The following FHIT variants were observed in gnomAD, a reference collection of about 807,000 sequenced individuals.
The protein encoded by FHIT is bis(5'-adenosyl)-triphosphatase.
A neutral mutation model predicts 17.9 loss-of-function variants in FHIT; 19 were observed. The ratio of observed to expected loss-of-function variants is 1.06; its 90% CI spans 0.74 to 1.56. FHIT has a LOEUF of 1.56. FHIT is among the 40% of genes most tolerant of loss of function. The pLI, the probability that FHIT is intolerant of heterozygous loss-of-function variation, is 0.00. For missense variants in FHIT, 248 were observed against 189.2 expected (o/e 1.31, Z -1.82); for synonymous variants, 81 against 69.7 (o/e 1.16, Z -0.81).
At chr3:61,097,598 C>A (rs544607354) in intron 2 of FHIT, among the ~76,000 whole-genome samples, 1 of 152,046 alleles carries the variant, frequency 6.6e-6, no homozygotes, top group African/African-American at 2.4e-5. Flanking sequence ...TTTTTCCACA[C>A]CCTGACCAGC....
At chr3:60,365,148 A>G (rs560278668) in intron 5 of FHIT, among the ~76,000 whole-genome samples, 2 of 149,158 alleles carry the variant, frequency 1.3e-5, no homozygotes, top group South Asian at 4.2e-4. Context: ...TATACAGTAT[A>G]TATTATATAT....
chr3:60,614,820 G>GTTTTTTTT (rs1191171215), intron 4 of FHIT, among the ~76,000 whole-genome samples: 1 of 58,856 alleles, frequency 1.7e-5, no homozygotes, highest in African/African-American at 5.1e-5. Context: ...TTTTTTTTTT[G>GTTTTTTTT]TTTTTTTTTT....
At chr3:60,620,759 T>C (rs967431857) in intron 4 of FHIT, among the ~76,000 whole-genome samples, 7 of 152,014 alleles carry the variant, frequency 4.6e-5, no homozygotes, top group Admixed American at 2.0e-4. Flanking sequence ...TCAAAACCCA[T>C]AGGATGTACA....
At chr3:60,488,874 C>T (rs1006560877) in intron 5 of FHIT, among the ~76,000 whole-genome samples, 1 of 152,136 alleles carries the variant, frequency 6.6e-6, no homozygotes, top group Non-Finnish European at 1.5e-5. Context: ...TTATGTAAAA[C>T]ATGAAACTAT....
chr3:60,985,506 G>C (rs563972027), intron 3 of FHIT, among the ~76,000 whole-genome samples: 80 of 152,218 alleles, frequency 5.3e-4, no homozygotes, highest in Non-Finnish European at 1.0e-3. Flanking sequence ...CAAACATACA[G>C]TGATTGGTTG....
At chr3:59,997,352 GACC>G (rs1195039512) in intron 7 of FHIT, among the ~76,000 whole-genome samples, 3 of 152,084 alleles carry the variant, frequency 2.0e-5, no homozygotes, top group African/African-American at 4.8e-5. Flanking sequence ...TCTGAAAGAG[GACC>G]ACAAGGTAAA....
At position 60,423,699 on chromosome 3, in the gene FHIT, C is replaced by A. The variant is rs543844439; in HGVS notation, c.103+113161G>T. On this transcript the variant is annotated intron_variant, in intron 5 of 9. Coordinates refer to ENST00000492590, the MANE Select transcript of FHIT (RefSeq NM_002012.4). ...ATATTCAAAAATTGTTAAAGCTACT[C>A]ACCCCAACTCCTTCTACCAGTCCTG... Among the ~76,000 whole-genome samples the A allele has an allele frequency of 7.2e-5, 11 of 152,236 alleles. No individual in the cohort carries two copies. In the East Asian group the frequency reaches 2.1e-3, roughly 30 times the overall value.
At chr3:59,802,668 A>C (rs962515653) in intron 8 of FHIT, among the ~76,000 whole-genome samples, 1 of 151,986 alleles carries the variant, frequency 6.6e-6, no homozygotes, top group African/African-American at 2.4e-5. Context: ...GCCTGCACCC[A>C]GGTGATTAAA....
At chr3:59,955,812 T>C (rs1303251331) in intron 7 of FHIT, among the ~76,000 whole-genome samples, 1 of 152,194 alleles carries the variant, frequency 6.6e-6, no homozygotes, top group Non-Finnish European at 1.5e-5. Flanking sequence ...TATACGTTTT[T>C]CTTTATTTCT....
At chr3:60,180,508 C>T (rs1701881775) in intron 5 of FHIT, among the ~76,000 whole-genome samples, 2 of 152,122 alleles carry the variant, frequency 1.3e-5, no homozygotes, top group Non-Finnish European at 2.9e-5. Context: ...ACTGGATCTG[C>T]CAAAGACTAT....
chr3:60,377,457 A>G (rs1164973365), intron 5 of FHIT, among the ~76,000 whole-genome samples: 5 of 114,108 alleles, frequency 4.4e-5, no homozygotes, highest in African/African-American at 1.7e-4. Context: ...ATGCCCAGCC[A>G]AGAATTCTTT....
intron 4 of FHIT, among the ~76,000 whole-genome samples, chr3:60,548,380 A>G (rs1251702427): frequency 6.6e-6 from 1 of 152,156 alleles, no homozygotes; most frequent in Non-Finnish European, 1.5e-5. Context: ...ATTTCATCAA[A>G]TAGAGAACAA....
intron 2 of FHIT, among the ~76,000 whole-genome samples, chr3:61,129,975 G>T (rs1357727807): frequency 6.6e-6 from 1 of 152,090 alleles, no homozygotes; most frequent in Non-Finnish European, 1.5e-5. Context: ...ATCACATCAA[G>T]GAGAAAGTAT....
chr3:60,027,912 T>C (rs995521752), intron 5 of FHIT, among the ~76,000 whole-genome samples: 5 of 152,198 alleles, frequency 3.3e-5, no homozygotes, highest in African/African-American at 1.2e-4. Context: ...TACTGAGCAC[T>C]TGAAATATGG....
chr3:60,259,711 G>C (rs9876417), intron 5 of FHIT, among the ~76,000 whole-genome samples: 2,170 of 152,182 alleles, frequency 0.014, 49 homozygotes, highest in African/African-American at 0.049. Flanking sequence ...GGGACTTGCA[G>C]ACAGTAAGTA....
chr3:59,791,579 G>C (rs1336198374), intron 8 of FHIT, among the ~76,000 whole-genome samples: 1 of 152,126 alleles, frequency 6.6e-6, no homozygotes, highest in Non-Finnish European at 1.5e-5. Flanking sequence ...GTTGAGTTGG[G>C]TTTCTATAAC....
chr3:60,213,158 A>G (rs1185590862), intron 5 of FHIT, among the ~76,000 whole-genome samples: 1 of 152,190 alleles, frequency 6.6e-6, no homozygotes, highest in East Asian at 1.9e-4. Flanking sequence ...TAATTGGCTT[A>G]TATAACTAGG....
chr3:60,535,250 GT>G, intron 5 of FHIT, among the ~76,000 whole-genome samples: 1 of 152,166 alleles, frequency 6.6e-6, no homozygotes, highest in South Asian at 2.1e-4. Flanking sequence ...AAAAAAAGTG[GT>G]ACATCTCTGT....
intron 1 of FHIT, among the ~76,000 whole-genome samples, chr3:61,204,495 T>C (rs1365288032): frequency 1.3e-5 from 2 of 152,116 alleles, no homozygotes; most frequent in Non-Finnish European, 2.9e-5. Flanking sequence ...ACGCAATCGA[T>C]TCTCTATACA....
Sources: gnomAD v4.1 joint callset for allele counts (sites outside exome capture counted in the v4.1 genomes callset) on GRCh38, gnomAD v4.1.1 for gene constraint, MANE v1.5 for transcripts, NCBI Gene and HGNC (gene_info 2026-07-23, HGNC 2026-07-21) for gene names.